NAV3: variants seen among roughly 807,000 people sequenced by gnomAD.
The protein encoded by NAV3 is pore membrane and/or filament interacting like protein 1.
Under a neutral mutation model 244.7 loss-of-function variants are expected in NAV3, and 87 were observed. That is an observed-to-expected ratio of 0.36 (90% CI 0.30 to 0.42). The LOEUF (loss-of-function observed/expected upper bound fraction) is 0.42, where lower values mean the gene tolerates loss of function less well. Among genes scored for constraint, NAV3 ranks in the 20% least tolerant of loss-of-function variants. The pLI, the probability that NAV3 is intolerant of heterozygous loss-of-function variation, is 1.00. For synonymous variants in NAV3, 1,126 were observed against 1,042.2 expected, an observed-to-expected ratio of 1.08 and a Z score of -1.55; for missense variants, 2,663 against 2,893.3, an observed-to-expected ratio of 0.92 and a Z score of 1.83.
At chr12:77,924,198 C>A (rs541930463) in intron 1 of NAV3, among the ~76,000 whole-genome samples, 10 of 152,222 alleles carry the variant, frequency 6.6e-5, no homozygotes, top group Admixed American at 6.5e-4. Context: ...CACACATTTT[C>A]ATTATGTGGC....
intron 23 of NAV3, among the ~76,000 whole-genome samples, chr12:78,168,503 A>G (rs530801063): frequency 2.6e-5 from 4 of 151,906 alleles, no homozygotes; most frequent in South Asian, 2.1e-4. Context: ...CACCTTTGAA[A>G]GGAATAAAGA....
intron 3 of NAV3, among the ~76,000 whole-genome samples, chr12:77,952,174 T>C (rs1456504782): frequency 1.3e-5 from 2 of 152,054 alleles, no homozygotes; most frequent in African/African-American, 4.8e-5. Context: ...TGCTAGTCTG[T>C]GGTTTGTCTT....
intron 2 of NAV3, among the ~76,000 whole-genome samples, chr12:77,694,922 G>A (rs1329947336): frequency 6.6e-6 from 1 of 152,110 alleles, no homozygotes; most frequent in Non-Finnish European, 1.5e-5. Flanking sequence ...AGGAACTCAG[G>A]GACACAGCAA....
At chr12:77,765,152 G>A (rs1007188113) in intron 2 of NAV3, among the ~76,000 whole-genome samples, 6 of 152,198 alleles carry the variant, frequency 3.9e-5, no homozygotes, top group Non-Finnish European at 8.8e-5. Flanking sequence ...GGCTGAAGGA[G>A]ACTTCTGACT....
At chr12:77,938,063 A>G (rs1179059923) in intron 1 of NAV3, among the ~76,000 whole-genome samples, 1 of 152,190 alleles carries the variant, frequency 6.6e-6, no homozygotes, top group Non-Finnish European at 1.5e-5. Flanking sequence ...GTCTGACTCC[A>G]GAACTCATTC....
intron 11 of NAV3, among the ~76,000 whole-genome samples, chr12:78,056,730 A>G (rs898835818): frequency 6.6e-6 from 1 of 152,140 alleles, no homozygotes; most frequent in Non-Finnish European, 1.5e-5. Context: ...CTCTATCTCA[A>G]AAAAAACGTA....
intron 20 of NAV3, among the ~76,000 whole-genome samples, chr12:78,142,935 G>C (rs1462177689): frequency 6.6e-6 from 1 of 151,806 alleles, no homozygotes; most frequent in Non-Finnish European, 1.5e-5. Flanking sequence ...ATGAATATTT[G>C]GGGAACTACT....
chr12:78,151,029 A>T (rs1565727034), intron 22 of NAV3, among the ~76,000 whole-genome samples: 1 of 151,770 alleles, frequency 6.6e-6, no homozygotes. Flanking sequence ...GGAAAAGAAA[A>T]CATCTATAGT....
chr12:78,052,610 A>G (rs1477336167), intron 11 of NAV3, among the ~76,000 whole-genome samples: 1 of 152,152 alleles, frequency 6.6e-6, no homozygotes, highest in Non-Finnish European at 1.5e-5. Flanking sequence ...TATTACATTT[A>G]TTATCATTAA....
chr12:77,722,357 A>G (rs1232972545), intron 2 of NAV3, among the ~76,000 whole-genome samples: 1 of 152,096 alleles, frequency 6.6e-6, no homozygotes, highest in African/African-American at 2.4e-5. Context: ...CTTTCAGGAA[A>G]ACTACATGCT....
intron 9 of NAV3, among the ~76,000 whole-genome samples, chr12:78,027,917 T>C (rs1466182053): frequency 1.3e-5 from 2 of 152,126 alleles, no homozygotes; most frequent in Non-Finnish European, 2.9e-5. Context: ...CCCCTATGGG[T>C]AACAGTGATA....
intron 1 of NAV3, among the ~76,000 whole-genome samples, chr12:77,838,611 G>A (rs532640270): frequency 9.9e-5 from 15 of 151,978 alleles, no homozygotes; most frequent in African/African-American, 3.6e-4. Context: ...TAAAAACTAA[G>A]ACTCTAAATA....
intron 2 of NAV3, among the ~76,000 whole-genome samples, chr12:77,776,951 T>C (rs2135898919): frequency 6.6e-6 from 1 of 152,330 alleles, no homozygotes; most frequent in Non-Finnish European, 1.5e-5. Context: ...TAAGCATACG[T>C]TTAATAGGAA....
chr12:77,767,780 A>G (rs2135863746), intron 2 of NAV3, among the ~76,000 whole-genome samples: 1 of 152,298 alleles, frequency 6.6e-6, no homozygotes, highest in Non-Finnish European at 1.5e-5. Flanking sequence ...TTTGGGGAGC[A>G]CCTAGGTCTG....
chr12:77,948,817 G>T (rs1448761937), intron 3 of NAV3, among the ~76,000 whole-genome samples: 2 of 150,884 alleles, frequency 1.3e-5, no homozygotes, highest in African/African-American at 2.4e-5. Flanking sequence ...AATATGAATT[G>T]TAATACTCCT....
intron 6 of NAV3, among the ~76,000 whole-genome samples, chr12:77,996,490 A>G (rs1447786128): frequency 1.3e-5 from 2 of 152,240 alleles, no homozygotes; most frequent in African/African-American, 4.8e-5. Flanking sequence ...TAAACATTAA[A>G]ATATAATTCA....
intron 2 of NAV3, among the ~76,000 whole-genome samples, chr12:77,786,910 C>T (rs961985408): frequency 2.0e-5 from 3 of 152,082 alleles, no homozygotes; most frequent in Admixed American, 6.6e-5. Context: ...TTCCTCTGCT[C>T]GGATTCCACC....
chr12:77,945,245 TA>T (rs928174118), intron 3 of NAV3, among the ~76,000 whole-genome samples: 9 of 151,940 alleles, frequency 5.9e-5, no homozygotes, highest in Non-Finnish European at 1.3e-4. Flanking sequence ...AATGAAGTGG[TA>T]AGTAACTATA....
At chr12:77,714,440 A>G (rs1876267937) in intron 2 of NAV3, among the ~76,000 whole-genome samples, 1 of 152,010 alleles carries the variant, frequency 6.6e-6, no homozygotes, top group Admixed American at 6.6e-5. Context: ...GATCTGTCTG[A>G]CTTTATCCAA....
Sources: gnomAD v4.1 joint callset for allele counts (sites outside exome capture counted in the v4.1 genomes callset) on GRCh38, gnomAD v4.1.1 for gene constraint, MANE v1.5 for transcripts, NCBI Gene and HGNC (gene_info 2026-07-23, HGNC 2026-07-21) for gene names.